Variants in PXK observed in about 807,000 individuals in gnomAD.
The protein encoded by PXK is PX domain-containing protein kinase-like protein.
Under a neutral mutation model 84.7 loss-of-function variants are expected in PXK, and 35 were observed. The ratio of observed to expected loss-of-function variants is 0.41; its 90% CI spans 0.32 to 0.55. The LOEUF (loss-of-function observed/expected upper bound fraction) is 0.55. Ranked by LOEUF, PXK falls within the 20% of genes least tolerant of loss-of-function variation. PXK has a pLI of 0.21. For synonymous variants in PXK, 253 were observed against 260.8 expected (o/e 0.97, Z 0.29); for missense variants, 634 against 699.7 (o/e 0.91, Z 1.06).
At chr3:58,354,214 G>A (rs994629754) in intron 1 of PXK, among the ~76,000 whole-genome samples, 1 of 152,124 alleles carries the variant, frequency 6.6e-6, no homozygotes, top group African/African-American at 2.4e-5. Context: ...GGCAGATAGT[G>A]TGAGTGGTGC....
chr3:58,352,524 A>G (rs2097953125), intron 1 of PXK, among the ~76,000 whole-genome samples: 1 of 152,192 alleles, frequency 6.6e-6, no homozygotes, highest in African/African-American at 2.4e-5. Flanking sequence ...AGTGAAAGTT[A>G]TATTTCGTTT....
rs372288965 is a variant in PXK at position 58,390,039 on chromosome 3, G to A, written c.389-543G>A. ...AAAAAAAAAAACAATTTAGCCAGGC[G>A]TGATGGCCCATGCTTGTAGTCCCAG... On this transcript the variant is annotated intron_variant, in intron 4 of 17. Transcript: ENST00000356151. The surrounding 1 kb of genome is among the most constrained non-coding windows in gnomAD (Gnocchi z 4.2). Among the ~76,000 whole-genome samples the A allele has an allele frequency of 3.3e-5, 5 of 149,744 alleles. No homozygotes were observed. The highest frequency in any genetic ancestry group is 2.1e-4 in the South Asian group (1 of 4,738).
intron 3 of PXK, among the ~76,000 whole-genome samples, chr3:58,378,251 A>C (rs1269210929): frequency 6.6e-6 from 1 of 152,090 alleles, no homozygotes; most frequent in African/African-American, 2.4e-5. Context: ...TTTTAGAGGA[A>C]TCTGTCCTGC....
At position 58,410,115 on chromosome 3, in the gene PXK, A is replaced by T. The variant is rs140203295; in HGVS notation, c.1421A>T (p.Asn474Ile). 6.9e-3 allele frequency: 10,981 copies of T among 1,601,568 alleles called. 147 individuals carry two copies. Among genetic ancestry groups the T allele is most frequent in the South Asian group, 0.04 (3,665 of 90,758 alleles). The part of the protein sequence containing the change: ...RKKSKRSALE[N>I]SEEHSAKYSN... ...AAGTCAAAACGATCTGCTCTTGAAA[A>T]TAGTGAAGAGCATTCAGCGAAGTAC... is the stretch of plus-strand genomic sequence containing the variant. The change falls in exon 16 of 18, where the codon AAT becomes ATT. Residue 474 changes from asparagine (N) to isoleucine (I), a missense_variant. Coordinates refer to ENST00000356151, the MANE Select transcript of PXK (RefSeq NM_017771.5).
intron 1 of PXK, among the ~76,000 whole-genome samples, chr3:58,363,363 C>T (rs967960389): frequency 3.3e-5 from 5 of 152,200 alleles, no homozygotes; most frequent in Non-Finnish European, 7.3e-5. Context: ...CTGGGTCTCT[C>T]TCTTTTGCCA....
rs149583399 is a variant in PXK at position 58,351,602 on chromosome 3, G to A, written c.103-14272G>A. On this transcript the variant is annotated intron_variant, in intron 1 of 17. Coordinates refer to ENST00000356151, the MANE Select transcript of PXK (RefSeq NM_017771.5). ...AAGTATCATGTTTTAAATTACATGT[G>A]TAGCAAACTGAGAAACTTTTCCAAA... 1.8e-3 allele frequency among the ~76,000 whole-genome samples: 271 copies of A among 152,074 alleles called. 1 individual carries two copies. The highest frequency in any genetic ancestry group is 6.2e-3 in the African/African-American group (257 of 41,472).
chr3:58,387,756 A>G (rs1352567145), intron 4 of PXK, among the ~76,000 whole-genome samples: 1 of 152,168 alleles, frequency 6.6e-6, no homozygotes, highest in East Asian at 1.9e-4. Flanking sequence ...AGGTAATCGC[A>G]TAAGAGAGGG....
Position 58,399,093 on chromosome 3 carries a change from A to G in PXK, c.1103-206A>G, listed in dbSNP as rs2058165496. 6.6e-6 allele frequency among the ~76,000 whole-genome samples: 1 copy of G among 152,228 alleles called. No individual in the cohort carries two copies. The highest frequency in any genetic ancestry group is 6.5e-5 in the Admixed American group (1 of 15,282). Reference sequence around the variant, plus strand: ...AGCTTTCTGTCAGCATGTAGTTTCTAAACCATTTCTTTTGAGTCATCGGTA... The same window carrying G: ...AGCTTTCTGTCAGCATGTAGTTTCTGAACCATTTCTTTTGAGTCATCGGTA... On this transcript the variant is annotated intron_variant, in intron 11 of 17. Transcript: ENST00000356151. The surrounding 1 kb of genome is among the most constrained non-coding windows in gnomAD (Gnocchi z 4.3).
chr3:58,335,730 T>C (rs2097580076), intron 1 of PXK, among the ~76,000 whole-genome samples: 1 of 152,130 alleles, frequency 6.6e-6, no homozygotes, highest in Non-Finnish European at 1.5e-5. Flanking sequence ...AATACAGGTC[T>C]GAGCTGATAC....
At position 58,333,508 on chromosome 3, in the gene PXK, G is replaced by T. The variant is rs1388004261; in HGVS notation, c.102+418G>T. The T allele has an allele frequency of 2.2e-6, 1 of 456,524 alleles. No individual in the cohort carries two copies. The highest frequency in any genetic ancestry group is 7.0e-5 in the East Asian group (1 of 14,388). The allele number at this position is 456,524 out of a possible 1,614,324, so 28.3% of individuals were successfully genotyped here. ...GAGGCCGTGTAATTTCCTCCTTGCAGCTGAGGGTCTGGGTGATGGGGATGA... is the reference window on the plus strand; with the variant it reads ...GAGGCCGTGTAATTTCCTCCTTGCATCTGAGGGTCTGGGTGATGGGGATGA... On this transcript the variant is annotated intron_variant, in intron 1 of 17. Coordinates refer to ENST00000356151, the MANE Select transcript of PXK (RefSeq NM_017771.5). This position sits in a 1 kb window ranked among gnomAD's most constrained non-coding sequence, Gnocchi z 5.4.
intron 1 of PXK, among the ~76,000 whole-genome samples, chr3:58,347,692 A>G (rs1008643961): frequency 4.6e-5 from 7 of 152,232 alleles, no homozygotes; most frequent in Non-Finnish European, 7.3e-5. Flanking sequence ...ATATTTGGGT[A>G]AAGTCTTTGT....
Position 58,424,808 on chromosome 3 carries a change from C to G in PXK, c.1585C>G (p.Pro529Ala). 1 of 1,614,186 alleles carries G rather than the reference C, an allele frequency of 6.2e-7. No individual in the cohort carries two copies. The highest frequency in any genetic ancestry group is 8.5e-7 in the Non-Finnish European group (1 of 1,180,026). Reference sequence around the variant, plus strand: ...TCCACCACCACCAGCAGCTCCCTTGCCTCCTGCGAGCACCGAGGCACCTGC... The same window carrying G: ...TCCACCACCACCAGCAGCTCCCTTGGCTCCTGCGAGCACCGAGGCACCTGC... ...PPPPPPAAPL[P>A]PASTEAPAQL... Residue 529 changes from proline (P) to alanine (A), a missense_variant, in exon 18 of 18, where the codon CCT becomes GCT. This residue lies in a region of PXK where 273 missense variants were observed against 283.6 expected (regional missense o/e 0.96). Coordinates refer to ENST00000356151, the MANE Select transcript of PXK (RefSeq NM_017771.5).
chr3:58,420,628 T>C (rs2061686350), intron 17 of PXK: 1 of 1,535,692 alleles, frequency 6.5e-7, no homozygotes, highest in Middle Eastern at 1.7e-4. Context: ...GTGTGTGAAA[T>C]AGGACCCAAA....
chr3:58,424,380 C>T (rs1368859846), intron 17 of PXK, among the ~76,000 whole-genome samples: 1 of 152,216 alleles, frequency 6.6e-6, no homozygotes, highest in Admixed American at 6.5e-5. Flanking sequence ...CAGAAGCAGA[C>T]AGAGCTTCCT....
rs115796738 is a variant in PXK at position 58,374,329 on chromosome 3, C to T, written c.201+4851C>T. 8.3e-3 allele frequency among the ~76,000 whole-genome samples: 1,267 copies of T among 152,066 alleles called. 21 individuals carry two copies. Among genetic ancestry groups the T allele is most frequent in the African/African-American group, 0.029 (1,213 of 41,498 alleles). ...GGAATTACATGCCCCCACCATCATG[C>T]CTGGCTAATTTTTTTGTATCTTCAG... On this transcript the variant is annotated intron_variant, in intron 3 of 17. Coordinates refer to ENST00000356151, the MANE Select transcript of PXK (RefSeq NM_017771.5).
At chr3:58,406,344 C>T (rs926110955) in intron 13 of PXK, among the ~76,000 whole-genome samples, 9 of 150,604 alleles carry the variant, frequency 6.0e-5, no homozygotes, top group Admixed American at 2.0e-4. Flanking sequence ...GGTGCAATGA[C>T]GGGGCTCAGT....
intron 1 of PXK, among the ~76,000 whole-genome samples, chr3:58,336,071 A>ATATATATATATATATATATT (rs1284780630): frequency 1.9e-5 from 1 of 51,568 alleles, no homozygotes; most frequent in Non-Finnish European, 3.3e-5. Context: ...ATATATATAT[A>ATATATATATATATATATATT]TTTTTTTTTT....
At chr3:58,346,518 A>G (rs1178236931) in intron 1 of PXK, among the ~76,000 whole-genome samples, 1 of 152,170 alleles carries the variant, frequency 6.6e-6, no homozygotes, top group Non-Finnish European at 1.5e-5. Flanking sequence ...TCCCAGGAAG[A>G]TGATGAGTCT....
intron 13 of PXK, among the ~76,000 whole-genome samples, chr3:58,406,163 C>T (rs994642576): frequency 2.0e-5 from 3 of 152,044 alleles, no homozygotes; most frequent in African/African-American, 4.8e-5. Context: ...GATGGGGTTT[C>T]ATTATGTTGG....
Sources: gnomAD v4.1 joint callset for allele counts (sites outside exome capture counted in the v4.1 genomes callset) on GRCh38, gnomAD v4.1.1 for gene constraint, gnomAD v4.1.1 regional missense constraint, Gnocchi (gnomAD v3.1) non-coding constraint, MANE v1.5 for transcripts, NCBI Gene and HGNC (gene_info 2026-07-23, HGNC 2026-07-21) for gene names.